The following DHX8 variants were observed in gnomAD, a reference collection of about 807,000 sequenced individuals.
DHX8 encodes the protein ATP-dependent RNA helicase DHX8.
Under a neutral mutation model 140.7 loss-of-function variants are expected in DHX8, and 67 were observed. The ratio of observed to expected loss-of-function variants is 0.48; its 90% CI spans 0.39 to 0.58. DHX8 has a LOEUF of 0.58. Ranked by LOEUF, DHX8 falls within the 20% of genes least tolerant of loss-of-function variation. The pLI is 0.00. For synonymous variants in DHX8, 533 were observed against 553.2 expected (o/e 0.96, Z 0.51); for missense variants, 887 against 1,550.7 (o/e 0.57, Z 7.19).
At chr17:43,486,859 GA>G (rs1429085670) in intron 1 of DHX8, among the ~76,000 whole-genome samples, 3 of 144,574 alleles carry the variant, frequency 2.1e-5, no homozygotes, top group South Asian at 2.2e-4. Context: ...CTTAGTGACA[GA>G]GCAAGACTCC....
At chr17:43,528,505 A>T (rs771500754), downstream of DHX8, 33 of 1,563,922 alleles carry the variant, frequency 2.1e-5, no homozygotes, top group Non-Finnish European at 2.9e-5. Context: ...GGCAGGGGGA[A>T]CAGCCGCTGG....
chr17:43,503,908 C>T (rs1421238273), intron 11 of DHX8, among the ~76,000 whole-genome samples: 1 of 151,798 alleles, frequency 6.6e-6, no homozygotes, highest in Non-Finnish European at 1.5e-5. Context: ...CTGAGTTAAA[C>T]ACTTAAAAAG....
chr17:43,528,837 G>A (rs1346105008), downstream of DHX8: 14 of 984,464 alleles, frequency 1.4e-5, no homozygotes, highest in Admixed American at 2.3e-5. Context: ...CCTTCTACCA[G>A]TACAGGCAGA....
intron 17 of DHX8, among the ~76,000 whole-genome samples, chr17:43,514,077 C>T (rs554875262): frequency 6.6e-6 from 1 of 152,054 alleles, no homozygotes; most frequent in Non-Finnish European, 1.5e-5. Context: ...CACCTTGGCT[C>T]ACACCTGTAA....
chr17:43,486,208 A>G (rs905255128), intron 1 of DHX8, among the ~76,000 whole-genome samples: 16 of 151,894 alleles, frequency 1.1e-4, no homozygotes, highest in South Asian at 6.2e-4. Context: ...AAAAAAAAAA[A>G]GTACTAATAT....
At position 43,532,928 on chromosome 17, in the gene DHX8, T is replaced by C. The variant is rs144646122; in HGVS notation, c.351-3484T>C. ...GGAGTGGCAAATGTCCAGGGGCTGC[T>C]GGAAGACGGAGCTGGATGTGGTTGG... is the stretch of plus-strand genomic sequence containing the variant. On this transcript the variant is annotated intron_variant, in intron 2 of 3. Coordinates refer to the DHX8 transcript ENST00000589898. The C allele has an allele frequency of 2.6e-5, 41 of 1,570,756 alleles. No homozygotes were observed. The African/African-American group carries it at 5.0e-4, about 19-fold the overall frequency.
At chr17:43,527,086 C>A (rs1027964605), downstream of DHX8, among the ~76,000 whole-genome samples, 1 of 152,136 alleles carries the variant, frequency 6.6e-6, no homozygotes, top group African/African-American at 2.4e-5. Flanking sequence ...CCCATTCTGC[C>A]CCTCCCACCT....
At chr17:43,534,166 G>A (rs35301328) in intron 2 of DHX8, among the ~76,000 whole-genome samples, 1,974 of 152,246 alleles carry the variant, frequency 0.013, 48 homozygotes, top group African/African-American at 0.046. Context: ...TTTACATTAT[G>A]TCTAGTTTAT....
chr17:43,487,628 A>G (rs1468669270), intron 1 of DHX8, among the ~76,000 whole-genome samples: 1 of 152,184 alleles, frequency 6.6e-6, no homozygotes. Flanking sequence ...TGCTGGCATT[A>G]CAGGCGTGAG....
At position 43,520,290 on chromosome 17, in the gene DHX8, T is replaced by G. The variant is rs762327099; in HGVS notation, c.2937+23T>G. The stretch of plus-strand genomic sequence containing the variant: ...CGGGTAAGGGACAGACTCAACTTCC[T>G]GTGCTTTTGGGAAGATTCCCTGGTC... On this transcript the variant is annotated intron_variant, in intron 19 of 22. Transcript: ENST00000262415. The G allele has an allele frequency of 2.5e-6, 4 of 1,610,494 alleles. No homozygotes were observed. The Admixed American group carries it at 6.7e-5, about 27-fold the overall frequency.
At chr17:43,530,164 A>G, downstream of DHX8, 1 of 1,557,560 alleles carries the variant, frequency 6.4e-7, no homozygotes, top group African/African-American at 1.4e-5. Context: ...AGGTACATTG[A>G]TGCGCACCCG....
chr17:43,528,210 C>A, downstream of DHX8: 1 of 318,584 alleles, frequency 3.1e-6, no homozygotes, highest in East Asian at 4.8e-5. Flanking sequence ...AGAACAAACT[C>A]TTGTTCTCTG....
chr17:43,494,181 T>G (rs756515444), intron 8 of DHX8, among the ~76,000 whole-genome samples: 19 of 152,064 alleles, frequency 1.2e-4, no homozygotes, highest in Admixed American at 1.2e-3. Context: ...TTTAAAACCA[T>G]CAGATCTCAT....
Position 43,516,088 on chromosome 17 carries a change from G to GT in DHX8, c.2644-1074dup, listed in dbSNP as rs1716547159. ...CTACCTCCACTGTTATTATTTTGCT[G>GT]TTTTTCATTCCAGTCTTTTTTCATG... On this transcript the variant is annotated intron_variant, in intron 17 of 22. Coordinates refer to ENST00000262415, the MANE Select transcript of DHX8 (RefSeq NM_004941.3). Among the ~76,000 whole-genome samples, 4 of 151,954 alleles carry GT rather than the reference G, an allele frequency of 2.6e-5. No individual in the cohort carries two copies. In the South Asian group the frequency reaches 8.3e-4, roughly 32 times the overall value.
At chr17:43,521,945 G>A (rs1024971978) in intron 21 of DHX8, 102 bp from the exon 22 acceptor site, 5 of 1,270,922 alleles carry the variant, frequency 3.9e-6, no homozygotes, top group South Asian at 2.7e-5. Flanking sequence ...AGGTCCTGGT[G>A]ACTACTCTGG....
At chr17:43,523,288 G>A (rs576994442) in intron 22 of DHX8, among the ~76,000 whole-genome samples, 48 of 152,262 alleles carry the variant, frequency 3.2e-4, no homozygotes, top group African/African-American at 1.0e-3. Context: ...CCTCTTCAGA[G>A]CCCTAGAATT....
chr17:43,528,745 T>G (rs142908597), downstream of DHX8: 1 of 1,613,356 alleles, frequency 6.2e-7, no homozygotes, highest in East Asian at 2.2e-5. Context: ...ACCAGCCACC[T>G]ATGGGGAGAG....
Position 43,491,160 on chromosome 17 carries a change from A to G in DHX8, c.308-5A>G. ...TAACCCCTTCATGCTCTTTAATGAA[A>G]CAAGATCCAGTTGTTAAACCTAAAA... On this transcript the variant is annotated splice_region_variant and splice_polypyrimidine_tract_variant and intron_variant, in intron 3 of 22. Coordinates refer to ENST00000262415, the MANE Select transcript of DHX8 (RefSeq NM_004941.3). The G allele has an allele frequency of 6.6e-7, 1 of 1,503,792 alleles. No individual in the cohort carries two copies. The highest frequency in any genetic ancestry group is 2.4e-5 in the East Asian group (1 of 42,526). 93.2% of individuals were successfully genotyped at this position (1,503,792 alleles called of 1,614,324 possible).
At chr17:43,493,099 A>T (rs1968635404) in intron 6 of DHX8, 59 bp downstream of exon 6, 2 of 1,563,656 alleles carry the variant, frequency 1.3e-6, no homozygotes, top group Non-Finnish European at 1.7e-6. Flanking sequence ...TTTATCACTG[A>T]GGATGTTCAC....
Sources: gnomAD v4.1 joint callset for allele counts (sites outside exome capture counted in the v4.1 genomes callset) on GRCh38, gnomAD v4.1.1 for gene constraint, MANE v1.5 for transcripts, NCBI Gene and HGNC (gene_info 2026-07-23, HGNC 2026-07-21) for gene names.